The following FBXO25 variants were observed in gnomAD, a reference collection of about 807,000 sequenced individuals.
FBXO25 encodes F-box protein 25.
Under a neutral mutation model 51.9 loss-of-function variants are expected in FBXO25, and 45 were observed. The ratio of observed to expected loss-of-function variants is 0.87; its 90% confidence interval spans 0.68 to 1.11. The LOEUF is 1.11. Ranked by LOEUF, FBXO25 falls within the 50% of genes most tolerant of loss-of-function variation. The pLI is 0.00. For synonymous variants in FBXO25, 199 were observed against 151.0 expected (o/e 1.32, Z -2.33); for missense variants, 507 against 428.5 (o/e 1.18, Z -1.62).
chr8:464,825 G>A lies in FBXO25; in HGVS notation c.987+1675G>A, dbSNP rs548316390. Among the ~76,000 whole-genome samples, 3 of 152,232 alleles carry A rather than the reference G, an allele frequency of 2.0e-5. 1 individual carries two copies. The highest frequency in any genetic ancestry group is 7.2e-5 in the African/African-American group (3 of 41,544). ...TATGAGATTTTATTTCTGATTTATT[G>A]TTTTATATTTTGGTATGACTTCTCT... On this transcript the variant is annotated intron_variant, in intron 9 of 9. Coordinates refer to ENST00000350302, the MANE Select transcript of FBXO25 (RefSeq NM_183420.2).
intron 1 of FBXO25, among the ~76,000 whole-genome samples, chr8:410,431 T>G (rs1396109931): frequency 4.7e-5 from 6 of 127,420 alleles, no homozygotes; most frequent in African/African-American, 1.8e-4. Flanking sequence ...TCCACTTGAT[T>G]TTTTTTTTTA....
At chr8:439,627 G>A (rs1323259785) in intron 5 of FBXO25, among the ~76,000 whole-genome samples, 6 of 152,004 alleles carry the variant, frequency 3.9e-5, no homozygotes, top group Admixed American at 6.6e-5. Flanking sequence ...GCGAAGAGTC[G>A]GTCTCTCTTA....
intron 2 of FBXO25, among the ~76,000 whole-genome samples, 181 bp downstream of exon 2, chr8:413,394 A>G (rs1191592360): frequency 6.6e-6 from 1 of 152,082 alleles, no homozygotes; most frequent in African/African-American, 2.4e-5. Context: ...ATTCATACAC[A>G]GATGCTTTCG....
At chr8:424,774 A>G (rs145603066) in intron 2 of FBXO25, among the ~76,000 whole-genome samples, 6,644 of 152,162 alleles carry the variant, frequency 0.044, 240 homozygotes, top group African/African-American at 0.095. Flanking sequence ...GCTTTATAGT[A>G]TAGTTTGAAG....
At chr8:410,574 A>T (rs763340557) in intron 1 of FBXO25, among the ~76,000 whole-genome samples, 1 of 152,162 alleles carries the variant, frequency 6.6e-6, no homozygotes, top group African/African-American at 2.4e-5. Context: ...GTCATCTGCT[A>T]CTTCATGGTC....
Position 418,297 on chromosome 8 carries a change from CCCTTT to C in FBXO25, c.134+5096_134+5100del, listed in dbSNP as rs888540620. Among the ~76,000 whole-genome samples, 189 of 151,050 alleles carry C rather than the reference CCCTTT, an allele frequency of 1.3e-3. 1 individual carries two copies. Among genetic ancestry groups the C allele is most frequent in the South Asian group, 4.2e-3 (20 of 4,748 alleles). Reference sequence around the variant, plus strand: ...TTAGACATTTTATTTCTTTTCCTTTCCCTTTCCTTTCCTTTCTTTTGTTCGTTTGT... The same window carrying C: ...TTAGACATTTTATTTCTTTTCCTTTCCCTTTCCTTTCTTTTGTTCGTTTGT... On this transcript the variant is annotated intron_variant, in intron 2 of 9. Coordinates refer to ENST00000350302, the MANE Select transcript of FBXO25 (RefSeq NM_183420.2).
chr8:460,958 C>T (rs1198416046), intron 8 of FBXO25, among the ~76,000 whole-genome samples: 1 of 152,150 alleles, frequency 6.6e-6, no homozygotes, highest in African/African-American at 2.4e-5. Context: ...TTGTTTTTAG[C>T]TTTGAAAAGT....
intron 2 of FBXO25, among the ~76,000 whole-genome samples, chr8:414,871 G>GC (rs1796700618): frequency 2.0e-5 from 3 of 152,102 alleles, no homozygotes; most frequent in Non-Finnish European, 4.4e-5. Context: ...GGGATCCCCC[G>GC]CCCTGCTTCC....
At chr8:433,593 A>G (rs1009233577) in intron 4 of FBXO25, among the ~76,000 whole-genome samples, 6 of 152,162 alleles carry the variant, frequency 3.9e-5, no homozygotes, top group Non-Finnish European at 8.8e-5. Context: ...ATGAGCCATA[A>G]AACAAACGAG....
chr8:439,987 A>G (rs1798329447), intron 5 of FBXO25, among the ~76,000 whole-genome samples: 1 of 152,176 alleles, frequency 6.6e-6, no homozygotes, highest in Non-Finnish European at 1.5e-5. Flanking sequence ...TTTTTTCATA[A>G]TTTCTACTAA....
At chr8:468,243 C>G in intron 9 of FBXO25, 1 of 1,011,726 alleles carries the variant, frequency 9.9e-7, no homozygotes, top group Non-Finnish European at 1.2e-6. Context: ...GCCGTGTGTC[C>G]CCCTCTCCTG....
chr8:407,562 C>T (rs1299358640), intron 1 of FBXO25: 3 of 527,782 alleles, frequency 5.7e-6, no homozygotes, highest in African/African-American at 4.2e-5. Context: ...CCGCCCCCAC[C>T]CTCCTGGGCC....
At chr8:410,106 G>C (rs971283719) in intron 1 of FBXO25, among the ~76,000 whole-genome samples, 5 of 152,134 alleles carry the variant, frequency 3.3e-5, no homozygotes, top group African/African-American at 1.2e-4. Flanking sequence ...CTAGTTTCTA[G>C]TCAGAGCTTT....
At chr8:467,738 C>T in intron 9 of FBXO25, 2 of 1,614,064 alleles carry the variant, frequency 1.2e-6, no homozygotes, top group Non-Finnish European at 1.7e-6. Context: ...TCTTGCTTTA[C>T]TATTCAAGGT....
chr8:430,734 T>C lies in FBXO25; in HGVS notation c.135-607T>C, dbSNP rs141543321. ...AAAAGTAAAAGGTGTTCCCATTGTT[T>C]AGTTATTGCCTTATGATTTGATTTT... On this transcript the variant is annotated intron_variant, in intron 2 of 9. Transcript: ENST00000350302. Among the ~76,000 whole-genome samples, 1,297 of 152,372 alleles carry C rather than the reference T, an allele frequency of 8.5e-3. 6 individuals are homozygous for C. The highest frequency in any genetic ancestry group is 0.013 in the Non-Finnish European group (899 of 68,040).
At position 472,560 on chromosome 8, in the gene FBXO25, C is replaced by T; in HGVS notation, c.*3756C>T. 6.8e-6 allele frequency: 1 copy of T among 148,104 alleles called. No individual in the cohort carries two copies. Among genetic ancestry groups the T allele is most frequent in the Non-Finnish European group, 1.5e-5 (1 of 67,140 alleles). 9.2% of individuals were successfully genotyped at this position (148,104 alleles called of 1,614,324 possible). On this transcript the variant is annotated 3_prime_UTR_variant, in exon 10 of 10. Coordinates refer to ENST00000350302, the MANE Select transcript of FBXO25 (RefSeq NM_183420.2). Reference sequence around the variant, plus strand: ...TTGTGATCTCTTGGGTTTTGGTGTCCATCTCATAGGATAAGCTTAGAAAGT... The same window carrying T: ...TTGTGATCTCTTGGGTTTTGGTGTCTATCTCATAGGATAAGCTTAGAAAGT...
At chr8:426,426 T>C (rs1797483352) in intron 2 of FBXO25, among the ~76,000 whole-genome samples, 1 of 152,086 alleles carries the variant, frequency 6.6e-6, no homozygotes, top group South Asian at 2.1e-4. Context: ...GTTTTCATCA[T>C]TTCTGATTTT....
rs377344351 is a variant in FBXO25 at position 454,454 on chromosome 8, G to A, written c.660+3001G>A. ...AGGTGGGACACATGGATCAGCAGGC[G>A]TAGCCTTTAGCATGGGGCCTCCGAG... is the stretch of plus-strand genomic sequence containing the variant. On this transcript the variant is annotated intron_variant, in intron 7 of 9. Coordinates refer to ENST00000350302, the MANE Select transcript of FBXO25 (RefSeq NM_183420.2). 2.2e-4 allele frequency among the ~76,000 whole-genome samples: 33 copies of A among 152,328 alleles called. No homozygotes were observed. The East Asian group carries it at 4.8e-3, about 22-fold the overall frequency.
chr8:408,339 G>C (rs1323777230), intron 1 of FBXO25, among the ~76,000 whole-genome samples: 1 of 147,756 alleles, frequency 6.8e-6, no homozygotes, highest in African/African-American at 2.5e-5. Context: ...AAAAAAAAAA[G>C]TTAAAAAGCT....
Sources: gnomAD v4.1 joint callset for allele counts (sites outside exome capture counted in the v4.1 genomes callset) on GRCh38, gnomAD v4.1.1 for gene constraint, MANE v1.5 for transcripts, NCBI Gene and HGNC (gene_info 2026-07-23, HGNC 2026-07-21) for gene names.